MTSS2: variants seen among roughly 807,000 people sequenced by gnomAD.
MTSS2 encodes protein MTSS 2.
Under a neutral mutation model 67.1 loss-of-function variants are expected in MTSS2, and 27 were observed. The ratio of observed to expected loss-of-function variants is 0.40; its 90% CI spans 0.30 to 0.55. The LOEUF is 0.55. Among genes scored for constraint, MTSS2 ranks in the 20% least tolerant of loss-of-function variants. The probability of loss-of-function intolerance (pLI) is 0.43; values close to 1 mark genes in which losing one functional copy is unlikely to be tolerated. For synonymous variants in MTSS2, 624 were observed against 468.6 expected (o/e 1.33, Z -4.28); for missense variants, 1,171 against 1,067.8 (o/e 1.10, Z -1.35).
intron 9 of MTSS2, among the ~76,000 whole-genome samples, chr16:70,677,447 G>C (rs1347866354): frequency 6.6e-6 from 1 of 152,050 alleles, no homozygotes; most frequent in Non-Finnish European, 1.5e-5. Context: ...GGGTCTAGGG[G>C]AGGGGATGGG....
chr16:70,664,794 T>C (rs1280660498), intron 13 of MTSS2, 31 bp from the exon 14 acceptor site: 2 of 1,578,218 alleles, frequency 1.3e-6, no homozygotes, highest in Non-Finnish European at 1.7e-6. Context: ...GCTGAAGCCT[T>C]GCGCCCCCAA....
rs1355466103 is a variant in MTSS2, at chr16:70,679,332, A to G, written c.458-9T>C. On this transcript the variant is annotated splice_polypyrimidine_tract_variant and intron_variant, in intron 6 of 14. Transcript: ENST00000338779. ...TGACTTACCAAGTAGCTCTACAGGA[A>G]GGATGTGGGAGGAGAGGAGGAGAGA... The G allele has an allele frequency of 1.2e-6, 2 of 1,613,878 alleles. No homozygotes were observed. Among genetic ancestry groups the G allele is most frequent in the East Asian group, 4.5e-5 (2 of 44,852 alleles).
intron 11 of MTSS2, among the ~76,000 whole-genome samples, chr16:70,673,248 T>A (rs566898378): frequency 7.9e-5 from 12 of 151,312 alleles, no homozygotes; most frequent in Admixed American, 2.0e-4. Context: ...CAAGGAGAGG[T>A]TAAATAAAAA....
At chr16:70,674,592 G>T (rs1027810810) in intron 10 of MTSS2, 64 bp from the exon 11 acceptor site, 7 of 1,453,308 alleles carry the variant, frequency 4.8e-6, no homozygotes, top group Non-Finnish European at 6.6e-6. Flanking sequence ...TGTGTTTGGG[G>T]GAGGTTGACA....
At chr16:70,681,122 C>CAGT in intron 1 of MTSS2, 97 bp from the exon 2 acceptor site, 2 of 1,217,414 alleles carry the variant, frequency 1.6e-6, no homozygotes, top group South Asian at 2.9e-5. Context: ...AGACTTGGGG[C>CAGT]AGTTTCTAAG....
In MTSS2 at chr16:70,674,396, G is replaced by A. The variant is rs1276161312; in HGVS notation, c.963C>T (p.Ser321=). ...AQPATTTARL[S]SVSSHDSGFV... is the part of the protein sequence containing the mutation. ...AGCCAGAGTCATGGGAGGAAACGCTGGAGAGGCGAGCGGTGGTGGTGGCTG... is the reference window on the plus strand; with the variant it reads ...AGCCAGAGTCATGGGAGGAAACGCTAGAGAGGCGAGCGGTGGTGGTGGCTG... Residue 321 remains serine, a synonymous_variant, in exon 11 of 15, where the codon TCC becomes TCT. Coordinates refer to ENST00000338779, the MANE Select transcript of MTSS2 (RefSeq NM_138383.3). 6.2e-7 allele frequency: 1 copy of A among 1,614,210 alleles called. No homozygotes were observed. Among genetic ancestry groups the A allele is most frequent in the Non-Finnish European group, 8.5e-7 (1 of 1,180,034 alleles).
chr16:70,679,591 G>A, intron 6 of MTSS2, 39 bp downstream of exon 6: 1 of 1,558,782 alleles, frequency 6.4e-7, no homozygotes, highest in Non-Finnish European at 8.7e-7. Flanking sequence ...GTGGAGCGGG[G>A]CCGTGGGGCT....
In MTSS2 at chr16:70,661,470, G is replaced by T; in HGVS notation, c.*2207C>A. ...AAGGAACGAGTTAACAACAGCACCA[G>T]GAAAGTTACTTCAGTCAAAAGACGC... On this transcript the variant is annotated 3_prime_UTR_variant, in exon 15 of 15. Coordinates refer to ENST00000338779, the MANE Select transcript of MTSS2 (RefSeq NM_138383.3). The T allele has an allele frequency of 2.8e-6, 1 of 355,254 alleles. No homozygotes were observed. The highest frequency in any genetic ancestry group is 5.6e-6 in the Non-Finnish European group (1 of 179,982). The allele number at this position is 355,254 out of a possible 1,614,324, so 22.0% of individuals were successfully genotyped here.
At chr16:70,677,394 G>C (rs906530924) in intron 9 of MTSS2, among the ~76,000 whole-genome samples, 3 of 152,258 alleles carry the variant, frequency 2.0e-5, no homozygotes, top group Middle Eastern at 6.8e-3. Flanking sequence ...ACTGGTCTGA[G>C]TGCAGTGGCA....
In MTSS2 at chr16:70,662,662, G is replaced by A. The variant is rs760149754; in HGVS notation, c.*1015C>T. 1 of 152,620 alleles carries A rather than the reference G, an allele frequency of 6.6e-6. No homozygotes were observed. Among genetic ancestry groups the A allele is most frequent in the Admixed American group, 6.5e-5 (1 of 15,282 alleles). The allele number at this position is 152,620 out of a possible 1,614,324, so 9.5% of individuals were successfully genotyped here. On this transcript the variant is annotated 3_prime_UTR_variant, in exon 15 of 15. Coordinates refer to ENST00000338779, the MANE Select transcript of MTSS2 (RefSeq NM_138383.3). Reference sequence around the variant, plus strand: ...TTCTCATCCTGCCATAGGACCACCGGGGGGTCCCTGTCCCCCAGGCACTCC... The same window carrying A: ...TTCTCATCCTGCCATAGGACCACCGAGGGGTCCCTGTCCCCCAGGCACTCC...
chr16:70,680,918 G>GGGGGGGGGCCCCCCCC, intron 2 of MTSS2, 46 bp downstream of exon 2: 1 of 1,097,930 alleles, frequency 9.1e-7, no homozygotes, highest in Non-Finnish European at 1.3e-6. Context: ...CGGGGGGGGG[G>GGGGGGGGGCCCCCCCC]CCTCTGCCTG....
At chr16:70,676,166 GCTTA>G (rs1729275696) in intron 10 of MTSS2, among the ~76,000 whole-genome samples, 1 of 152,250 alleles carries the variant, frequency 6.6e-6, no homozygotes, top group Admixed American at 6.5e-5. Flanking sequence ...TTCACTCTGT[GCTTA>G]CTGTCCTCCC....
At chr16:70,672,681 C>CAAAAAAAA (rs60173167) in intron 11 of MTSS2, among the ~76,000 whole-genome samples, 4 of 117,560 alleles carry the variant, frequency 3.4e-5, no homozygotes, top group Admixed American at 8.8e-5. Context: ...GGTTAAATAG[C>CAAAAAAAA]AAAAAAAAAA....
Position 70,665,554 on chromosome 16 carries a change from G to A in MTSS2, c.1054-14C>T, listed in dbSNP as rs1472880313. 2 of 1,544,560 alleles carry A rather than the reference G, an allele frequency of 1.3e-6. No homozygotes were observed. Among genetic ancestry groups the A allele is most frequent in the Non-Finnish European group, 1.7e-6 (2 of 1,145,112 alleles). On this transcript the variant is annotated splice_polypyrimidine_tract_variant and intron_variant, in intron 11 of 14. Coordinates refer to ENST00000338779, the MANE Select transcript of MTSS2 (RefSeq NM_138383.3). ...GCTGGAGGACTTCTGCCATGCAGAGGCCAGCAGGCGGTTGCAGACAGAGGG... is the reference window on the plus strand; with the variant it reads ...GCTGGAGGACTTCTGCCATGCAGAGACCAGCAGGCGGTTGCAGACAGAGGG...
At chr16:70,683,151 G>A (rs888607545) in intron 1 of MTSS2, among the ~76,000 whole-genome samples, 25 of 152,158 alleles carry the variant, frequency 1.6e-4, no homozygotes, top group East Asian at 3.9e-4. Context: ...TCTCTGTCCC[G>A]GCAGTGGCTG....
chr16:70,683,934 T>G (rs2053378677), intron 1 of MTSS2, among the ~76,000 whole-genome samples: 1 of 152,258 alleles, frequency 6.6e-6, no homozygotes, highest in East Asian at 1.9e-4. Flanking sequence ...GGGGCGAATC[T>G]GTCCTTGGCA....
rs547904006 is a variant in MTSS2 at position 70,663,810 on chromosome 16, G to A, written c.2111C>T (p.Thr704Met). The A allele has an allele frequency of 3.8e-5, 57 of 1,482,328 alleles. No homozygotes were observed. Among genetic ancestry groups the A allele is most frequent in the East Asian group, 2.7e-4 (10 of 36,896 alleles). 91.8% of individuals were successfully genotyped at this position (1,482,328 alleles called of 1,614,324 possible). The change falls in exon 15 of 15, where the codon ACG (threonine) becomes ATG (methionine). Residue 704 changes from threonine to methionine, a missense_variant. Thr to Met is a moderately conservative substitution (Grantham distance 81). This residue lies in a region of MTSS2 where 924 missense variants were observed against 756.0 expected (regional missense o/e 1.22). Coordinates refer to ENST00000338779, the MANE Select transcript of MTSS2 (RefSeq NM_138383.3). ...PFPTALSATP[T>M]EETPTPPPAA... Reference sequence around the variant, plus strand: ...TGGGGGTGGGGTGGGCGTCTCCTCCGTGGGGGTGGCCGACAGAGCAGTGGG... The same window carrying A: ...TGGGGGTGGGGTGGGCGTCTCCTCCATGGGGGTGGCCGACAGAGCAGTGGG...
chr16:70,664,321 T>G lies in MTSS2; in HGVS notation c.1600A>C (p.Lys534Gln), dbSNP rs1434541895. The G allele has an allele frequency of 6.3e-7, 1 of 1,593,702 alleles. No homozygotes were observed. The highest frequency in any genetic ancestry group is 1.4e-5 in the African/African-American group (1 of 74,042). ...AQNYRRLIQT[K>Q]RPASTAGLPT... Reference sequence around the variant, plus strand: ...AGCCCAGCAGTGGAGGCTGGGCGCTTGGTCTGGATCAGGCGGCGGTAGTTC... The same window carrying G: ...AGCCCAGCAGTGGAGGCTGGGCGCTGGGTCTGGATCAGGCGGCGGTAGTTC... Residue 534 changes from lysine (K) to glutamine (Q), a missense_variant, in exon 15 of 15, where the codon AAG becomes CAG. Physicochemically the swap from Lys to Gln is moderately conservative, Grantham distance 53. Around this residue, in one of 2 missense-constraint regions of MTSS2, gnomAD observed 924 missense variants for 756.0 expected, o/e 1.22. Coordinates refer to ENST00000338779, the MANE Select transcript of MTSS2 (RefSeq NM_138383.3).
In MTSS2 at chr16:70,674,314, T is replaced by C. The variant is rs763152528; in HGVS notation, c.1045A>G (p.Thr349Ala). 29 of 1,613,328 alleles carry C rather than the reference T, an allele frequency of 1.8e-5. No individual in the cohort carries two copies. The highest frequency in any genetic ancestry group is 2.5e-5 in the Non-Finnish European group (29 of 1,179,806). ...TCCTAACGCCCCCTCACCTGGCTGG[T>C]GATGTCTGAAGGCATAGGCGAGGGG... ...KPPSPMPSDI[T>A]SQKSSSSASS... is the part of the protein sequence containing the mutation. Residue 349 changes from threonine to alanine, a missense_variant, in exon 11 of 15, where the codon ACC (threonine) becomes GCC (alanine). Thr to Ala is a moderately conservative substitution (Grantham distance 58). Around this residue, in one of 2 missense-constraint regions of MTSS2, gnomAD observed 924 missense variants for 756.0 expected, o/e 1.22. Coordinates refer to ENST00000338779, the MANE Select transcript of MTSS2 (RefSeq NM_138383.3).
Sources: allele counts gnomAD v4.1 joint callset (sites outside exome capture counted in the v4.1 genomes callset), GRCh38; gene constraint gnomAD v4.1.1; regional missense constraint gnomAD v4.1.1; transcripts MANE v1.5; gene names NCBI Gene and HGNC (gene_info 2026-07-23, HGNC 2026-07-21).